The following SLC17A8 variants were observed in gnomAD, a reference collection of about 807,000 sequenced individuals.
The protein encoded by SLC17A8 is solute carrier family 17 member 8, also known as vesicular glutamate transporter 3.
SLC17A8 carries 31 observed loss-of-function variants against 58.0 expected under a neutral mutation model. The observed-to-expected ratio is 0.53, with a 90% confidence interval of 0.40 to 0.72. The LOEUF is 0.72. Among genes scored for constraint, SLC17A8 ranks in the 30% least tolerant of loss-of-function variants. The pLI is 0.00. For missense variants in SLC17A8, 655 were observed against 727.8 expected (o/e 0.90, Z 1.15); for synonymous variants, 228 against 249.0 (o/e 0.92, Z 0.79).
rs751093468 is a variant in SLC17A8 at position 100,419,935 on chromosome 12, T to C, written c.1546T>C (p.Ser516Pro). 6.2e-6 allele frequency: 10 copies of C among 1,614,102 alleles called. No individual in the cohort carries two copies. Among genetic ancestry groups the C allele is most frequent in the Non-Finnish European group, 8.5e-6 (10 of 1,180,030 alleles). Residue 516 changes from serine to proline, a missense_variant, in exon 12 of 12, where the codon TCT becomes CCT. Transcript: ENST00000323346. ...KQEWADPENL[S>P]EEKCGIIDQD... ...GGAGTGGGCTGACCCAGAGAATCTC[T>C]CTGAGGAGAAATGTGGAATCATTGA...
intron 5 of SLC17A8, among the ~76,000 whole-genome samples, chr12:100,396,951 G>A (rs1219151085): frequency 1.3e-5 from 2 of 152,102 alleles, no homozygotes; most frequent in Admixed American, 6.6e-5. Context: ...CTCAGACATA[G>A]CTTTTTATTT....
intron 2 of SLC17A8, among the ~76,000 whole-genome samples, chr12:100,382,286 T>C (rs1050910908): frequency 2.0e-5 from 3 of 152,200 alleles, no homozygotes; most frequent in Non-Finnish European, 4.4e-5. Context: ...AAGATAGGAA[T>C]GGAGGCCACA....
Position 100,357,216 on chromosome 12 carries a change from T to C in SLC17A8, c.-176T>C, listed in dbSNP as rs2135963497. On this transcript the variant is annotated 5_prime_UTR_variant, in exon 1 of 12. Transcript: ENST00000323346. ...GCAGAGAGAGGAGGGAGTTGTCTTA[T>C]CTTGGAAGATCCGAGCTGGGTTTCA... The C allele has an allele frequency of 1.6e-6, 1 of 627,112 alleles. No individual in the cohort carries two copies. The highest frequency in any genetic ancestry group is 1.7e-5 in the South Asian group (1 of 59,234). The allele number at this position is 627,112 out of a possible 1,614,324, so 38.8% of individuals were successfully genotyped here. A position where few individuals can be genotyped will look rare whatever the true frequency, so the allele number is the denominator to read the frequency against.
intron 7 of SLC17A8, 31 bp downstream of exon 7, chr12:100,402,510 C>CT (rs1455038836): frequency 1.2e-6 from 2 of 1,613,472 alleles, no homozygotes; most frequent in South Asian, 1.1e-5. Context: ...GAAGACTTAC[C>CT]TTTTTTCATA....
chr12:100,374,436 AC>A (rs1468084690), intron 1 of SLC17A8, among the ~76,000 whole-genome samples: 5 of 152,072 alleles, frequency 3.3e-5, no homozygotes, highest in Admixed American at 2.6e-4. Context: ...ACACGCTGAA[AC>A]CCTGTCTCTA....
At position 100,402,668 on chromosome 12, in the gene SLC17A8, A is replaced by G; in HGVS notation, c.976A>G (p.Arg326Gly). The G allele has an allele frequency of 3.1e-6, 5 of 1,614,110 alleles. No homozygotes were observed. The highest frequency in any genetic ancestry group is 4.2e-6 in the Non-Finnish European group (5 of 1,179,996). The change falls in exon 8 of 12, where the codon AGA (arginine) becomes GGA (glycine). Residue 326 changes from arginine (R) to glycine (G), a missense_variant. Physicochemically the swap from Arg to Gly is moderately radical, Grantham distance 125. Transcript: ENST00000323346. Reference protein sequence around the residue: ...VYAIIVANFCRSWTFYLLLIS... With the variant: ...VYAIIVANFCGSWTFYLLLIS... ...TGCAATCATTGTGGCAAATTTTTGC[A>G]GAAGCTGGACCTTTTATTTGCTCCT...
chr12:100,371,540 T>G (rs777282179), intron 1 of SLC17A8, among the ~76,000 whole-genome samples: 1 of 152,146 alleles, frequency 6.6e-6, no homozygotes, highest in African/African-American at 2.4e-5. Context: ...GGCAAGTTTT[T>G]TTTGTTTGTT....
intron 10 of SLC17A8, among the ~76,000 whole-genome samples, chr12:100,414,507 G>A (rs1036316169): frequency 6.6e-6 from 1 of 152,150 alleles, no homozygotes; most frequent in Non-Finnish European, 1.5e-5. Context: ...TTCTCATCTA[G>A]AGATTGGAGA....
chr12:100,357,700 A>G (rs528799003), intron 1 of SLC17A8, among the ~76,000 whole-genome samples: 2 of 152,336 alleles, frequency 1.3e-5, no homozygotes, highest in Admixed American at 1.3e-4. Context: ...TTAGGAAAAG[A>G]TCAAGACAAA....
rs1384383555 is a variant in SLC17A8 at position 100,404,137 on chromosome 12, A to G, written c.1153A>G (p.Thr385Ala). 1.2e-6 allele frequency: 2 copies of G among 1,614,214 alleles called. No homozygotes were observed. Among genetic ancestry groups the G allele is most frequent in the Non-Finnish European group, 1.7e-6 (2 of 1,180,028 alleles). The change falls in exon 9 of 12, where the codon ACA (threonine) becomes GCA (alanine). Residue 385 changes from threonine to alanine, a missense_variant. Thr to Ala is a moderately conservative substitution (Grantham distance 58). Transcript: ENST00000323346. ...DYLRSRQILT[T>A]TAVRKIMNCG... is the part of the protein sequence containing the mutation. The stretch of plus-strand genomic sequence containing the variant: ...TTTAAGAAGCAGACAAATTTTAACC[A>G]CAACTGCTGTCAGAAAAATCATGAA...
chr12:100,396,631 T>A (rs1952756447), intron 5 of SLC17A8, among the ~76,000 whole-genome samples: 1 of 150,276 alleles, frequency 6.7e-6, no homozygotes, highest in Non-Finnish European at 1.5e-5. Context: ...GTGCCTGGGA[T>A]CCTAGCTACT....
At chr12:100,400,975 G>C (rs542107302) in intron 5 of SLC17A8, among the ~76,000 whole-genome samples, 4 of 148,192 alleles carry the variant, frequency 2.7e-5, no homozygotes, top group African/African-American at 9.9e-5. Flanking sequence ...TTGCCATCTG[G>C]AATTTAATTG....
At chr12:100,370,980 CAT>C (rs1952555210) in intron 1 of SLC17A8, among the ~76,000 whole-genome samples, 2 of 152,088 alleles carry the variant, frequency 1.3e-5, no homozygotes, top group South Asian at 4.1e-4. Flanking sequence ...AAATGAGAGA[CAT>C]AGATACTGTG....
At chr12:100,384,835 G>A (rs1952661718) in intron 2 of SLC17A8, among the ~76,000 whole-genome samples, 1 of 152,152 alleles carries the variant, frequency 6.6e-6, no homozygotes, top group Non-Finnish European at 1.5e-5. Context: ...AACTAGAGAA[G>A]CCTTTGCTAA....
At chr12:100,360,029 C>T (rs565396919) in intron 1 of SLC17A8, among the ~76,000 whole-genome samples, 1 of 152,276 alleles carries the variant, frequency 6.6e-6, no homozygotes, top group Non-Finnish European at 1.5e-5. Context: ...TCACAGTGTT[C>T]CTCACAGTCA....
intron 9 of SLC17A8, among the ~76,000 whole-genome samples, chr12:100,409,570 T>G (rs1952852203): frequency 6.6e-6 from 1 of 152,040 alleles, no homozygotes. Flanking sequence ...GAAACACAAA[T>G]GAAAAGTTAC....
intron 4 of SLC17A8, among the ~76,000 whole-genome samples, chr12:100,394,399 T>TC (rs1491229688): frequency 3.2e-3 from 190 of 58,970 alleles, no homozygotes; most frequent in African/African-American, 8.1e-3. Context: ...CATCTTTTCC[T>TC]TTTTTTTTTT....
chr12:100,363,121 C>A (rs948199780), intron 1 of SLC17A8, among the ~76,000 whole-genome samples: 1 of 152,104 alleles, frequency 6.6e-6, no homozygotes, highest in Non-Finnish European at 1.5e-5. Flanking sequence ...CACGAGGACC[C>A]CAAAGTGACT....
chr12:100,375,120 A>G (rs1952586058), intron 1 of SLC17A8, among the ~76,000 whole-genome samples: 1 of 149,900 alleles, frequency 6.7e-6, no homozygotes, highest in East Asian at 2.0e-4. Flanking sequence ...AGCAGATACC[A>G]AGACAGGACT....
Sources: gnomAD v4.1 joint callset for allele counts (sites outside exome capture counted in the v4.1 genomes callset) on GRCh38, gnomAD v4.1.1 for gene constraint, MANE v1.5 for transcripts, NCBI Gene and HGNC (gene_info 2026-07-23, HGNC 2026-07-21) for gene names.